Variants in BMP7 observed in about 807,000 individuals in gnomAD.
The protein encoded by BMP7 is bone morphogenetic protein 7, also known as osteogenic protein 1.
BMP7 carries 12 observed loss-of-function variants against 41.2 expected under a neutral mutation model. That is an observed-to-expected ratio of 0.29 (90% CI 0.19 to 0.47). The LOEUF (loss-of-function observed/expected upper bound fraction) is 0.47, where lower values mean the gene tolerates loss of function less well. Among genes scored for constraint, BMP7 ranks in the 20% least tolerant of loss-of-function variants. BMP7 has a pLI of 0.99. For synonymous variants in BMP7, 248 were observed against 250.0 expected (o/e 0.99, Z 0.07); for missense variants, 467 against 606.0 (o/e 0.77, Z 2.41).
chr20:57,217,037 C>A (rs1476921468), intron 2 of BMP7, among the ~76,000 whole-genome samples: 2 of 152,148 alleles, frequency 1.3e-5, no homozygotes, highest in Non-Finnish European at 2.9e-5. Flanking sequence ...CGTGAGCCCC[C>A]GCATGTGGAA....
At chr20:57,240,617 C>A (rs2066064923) in intron 1 of BMP7, among the ~76,000 whole-genome samples, 1 of 140,422 alleles carries the variant, frequency 7.1e-6, no homozygotes, top group African/African-American at 3.1e-5. Context: ...AAAGACATAC[C>A]CGAGACTGGG....
rs949129681 is a variant in BMP7 at position 57,186,815 on chromosome 20, G to A, written c.761-2896C>T. Among the ~76,000 whole-genome samples, 21 of 152,108 alleles carry A rather than the reference G, an allele frequency of 1.4e-4. No homozygotes were observed. The South Asian group carries it at 2.7e-3, about 20-fold the overall frequency. On this transcript the variant is annotated intron_variant, in intron 3 of 6. Transcript: ENST00000395863. ...TCACTTTGGTTTTTTAACAACTAGTGTTTAAAAGAACAAATTTTCCCCCAC... is the reference window on the plus strand; with the variant it reads ...TCACTTTGGTTTTTTAACAACTAGTATTTAAAAGAACAAATTTTCCCCCAC...
chr20:57,191,944 TATAATATAGTATATACCAC>T (rs1332486274), intron 3 of BMP7, among the ~76,000 whole-genome samples: 1 of 131,144 alleles, frequency 7.6e-6, no homozygotes, highest in East Asian at 2.1e-4. Flanking sequence ...TAGTATATTA[TATAATATAGTATATACCAC>T]ATAATATAGT....
chr20:57,246,418 T>A (rs1431203928), intron 1 of BMP7, among the ~76,000 whole-genome samples: 2 of 152,230 alleles, frequency 1.3e-5, no homozygotes, highest in Non-Finnish European at 2.9e-5. Context: ...AAAACCCCTA[T>A]GTGTCTTCCT....
At chr20:57,188,200 G>A (rs1437384452) in intron 3 of BMP7, among the ~76,000 whole-genome samples, 1 of 152,150 alleles carries the variant, frequency 6.6e-6, no homozygotes, top group African/African-American at 2.4e-5. Context: ...GAAACAACCC[G>A]ATGTCCATTA....
intron 1 of BMP7, among the ~76,000 whole-genome samples, chr20:57,235,561 T>C (rs983672352): frequency 9.2e-5 from 14 of 152,166 alleles, no homozygotes; most frequent in Non-Finnish European, 7.3e-5. Context: ...GAGGCAGCTC[T>C]GCAGGTGAGG....
intron 1 of BMP7, among the ~76,000 whole-genome samples, chr20:57,263,658 G>T (rs1600649689): frequency 6.6e-6 from 1 of 152,330 alleles, no homozygotes; most frequent in East Asian, 1.9e-4. Context: ...GTACCCAACA[G>T]AAGGGAAGAT....
chr20:57,261,268 CGTCT>C lies in BMP7; in HGVS notation c.418+4433_418+4436del, dbSNP rs1426972585. Reference sequence around the variant, plus strand: ...GAGGGCTGCATCTCAAAAGCGGTTTCGTCTGTCTGTGCATTCAGACAATCATCCC... The same window carrying C: ...GAGGGCTGCATCTCAAAAGCGGTTTCGTCTGTGCATTCAGACAATCATCCC... On this transcript the variant is annotated intron_variant, in intron 1 of 6. Coordinates refer to ENST00000395863, the MANE Select transcript of BMP7 (RefSeq NM_001719.3). The surrounding 1 kb of genome is among the most constrained non-coding windows in gnomAD (Gnocchi z 4.1). Among the ~76,000 whole-genome samples the C allele has an allele frequency of 1.3e-5, 2 of 152,144 alleles. No homozygotes were observed. The highest frequency in any genetic ancestry group is 2.9e-5 in the Non-Finnish European group (2 of 68,034).
At chr20:57,209,910 T>C (rs1383101783) in intron 2 of BMP7, among the ~76,000 whole-genome samples, 1 of 152,198 alleles carries the variant, frequency 6.6e-6, no homozygotes, top group Admixed American at 6.5e-5. Context: ...CATGTTATAC[T>C]TGAACAGCAG....
rs1250879318 is a variant in BMP7 at position 57,261,054 on chromosome 20, T to A, written c.418+4651A>T. The stretch of plus-strand genomic sequence containing the variant: ...GGGAGAGATATTAAAGTGATAGGAG[T>A]GATCAATCAACTTAGATGGGACTCT... On this transcript the variant is annotated intron_variant, in intron 1 of 6. Coordinates refer to ENST00000395863, the MANE Select transcript of BMP7 (RefSeq NM_001719.3). This position sits in a 1 kb window ranked among gnomAD's most constrained non-coding sequence, Gnocchi z 4.1. 2.0e-5 allele frequency among the ~76,000 whole-genome samples: 3 copies of A among 152,036 alleles called. No individual in the cohort carries two copies. Among genetic ancestry groups the A allele is most frequent in the Non-Finnish European group, 4.4e-5 (3 of 68,010 alleles).
intron 1 of BMP7, among the ~76,000 whole-genome samples, chr20:57,245,343 T>C (rs2123134689): frequency 6.6e-6 from 1 of 152,254 alleles, no homozygotes. Flanking sequence ...TGGTGTTTTT[T>C]TTTAATTTTT....
At chr20:57,173,405 A>C in intron 5 of BMP7, 95 bp from the exon 6 acceptor site, 39 of 1,231,106 alleles carry the variant, frequency 3.2e-5, no homozygotes, top group Non-Finnish European at 4.3e-5. Context: ...CGCCAGGCTC[A>C]CGACCCAAGG....
intron 2 of BMP7, among the ~76,000 whole-genome samples, chr20:57,206,657 T>C (rs1984740225): frequency 1.3e-5 from 2 of 152,220 alleles, no homozygotes; most frequent in Non-Finnish European, 2.9e-5. Flanking sequence ...ATAATTCCCG[T>C]GTCTTGGTTT....
intron 4 of BMP7, among the ~76,000 whole-genome samples, chr20:57,179,321 A>C (rs1378987598): frequency 6.6e-6 from 1 of 152,118 alleles, no homozygotes; most frequent in East Asian, 1.9e-4. Context: ...TGACGCCAGC[A>C]CCGGGATTCA....
intron 1 of BMP7, among the ~76,000 whole-genome samples, chr20:57,232,416 G>GA (rs1054586019): frequency 2.7e-5 from 4 of 150,412 alleles, no homozygotes; most frequent in South Asian, 2.1e-4. Context: ...GATTACATTT[G>GA]AAAAAAAAAG....
chr20:57,258,518 G>A (rs967408573), intron 1 of BMP7, among the ~76,000 whole-genome samples: 1 of 152,162 alleles, frequency 6.6e-6, no homozygotes, highest in Non-Finnish European at 1.5e-5. Flanking sequence ...CTTCAATAAT[G>A]CAATTTTTTA....
At chr20:57,188,099 C>A (rs1008611799) in intron 3 of BMP7, among the ~76,000 whole-genome samples, 1 of 152,160 alleles carries the variant, frequency 6.6e-6, no homozygotes, top group Non-Finnish European at 1.5e-5. Context: ...CACTCCTAGG[C>A]GTGTACCCAC....
intron 2 of BMP7, among the ~76,000 whole-genome samples, chr20:57,221,024 G>A (rs953425888): frequency 3.0e-4 from 46 of 152,182 alleles, no homozygotes; most frequent in African/African-American, 9.4e-4. Flanking sequence ...AGGCTGGGTC[G>A]TGCTTTCATC....
At chr20:57,265,031 C>CAA (rs34234487) in intron 1 of BMP7, among the ~76,000 whole-genome samples, 2,008 of 74,396 alleles carry the variant, frequency 0.027, 128 homozygotes, top group African/African-American at 0.084. Flanking sequence ...AACTCCGTCT[C>CAA]AAAAAAAAAA....
Sources: allele counts gnomAD v4.1 joint callset (sites outside exome capture counted in the v4.1 genomes callset), GRCh38; gene constraint gnomAD v4.1.1; non-coding constraint Gnocchi (gnomAD v3.1); transcripts MANE v1.5; gene names NCBI Gene and HGNC (gene_info 2026-07-23, HGNC 2026-07-21).